SLC25A21: variants seen among roughly 807,000 people sequenced by gnomAD.
SLC25A21 encodes the protein mitochondrial 2-oxodicarboxylate carrier.
Under a neutral mutation model 43.8 loss-of-function variants are expected in SLC25A21, and 47 were observed. The observed-to-expected ratio is 1.07, with a 90% CI of 0.85 to 1.37. The LOEUF is 1.37. SLC25A21 is among the 40% of genes most tolerant of loss of function. The pLI, the probability that SLC25A21 is intolerant of heterozygous loss-of-function variation, is 0.00. For synonymous variants in SLC25A21, 131 were observed against 121.3 expected, an observed-to-expected ratio of 1.08 and a Z score of -0.52; for missense variants, 352 against 350.2, an observed-to-expected ratio of 1.00 and a Z score of -0.04.
intron 1 of SLC25A21, among the ~76,000 whole-genome samples, chr14:37,005,096 A>C (rs1203006368): frequency 6.6e-6 from 1 of 152,006 alleles, no homozygotes; most frequent in African/African-American, 2.4e-5. Context: ...GAATCCCCTA[A>C]GGATACTGAT....
At chr14:37,108,085 G>A (rs996081993) in intron 1 of SLC25A21, among the ~76,000 whole-genome samples, 15 of 152,154 alleles carry the variant, frequency 9.9e-5, no homozygotes, top group African/African-American at 3.6e-4. Flanking sequence ...TCCCACCTGT[G>A]AAATAGAAAT....
chr14:37,127,591 A>C (rs1379947277), intron 1 of SLC25A21, among the ~76,000 whole-genome samples: 1 of 152,172 alleles, frequency 6.6e-6, no homozygotes, highest in Non-Finnish European at 1.5e-5. Context: ...AAGTTGAAAT[A>C]GGTTTCCAAT....
intron 1 of SLC25A21, among the ~76,000 whole-genome samples, chr14:36,979,003 A>C (rs189516304): frequency 1.4e-3 from 211 of 152,236 alleles, no homozygotes; most frequent in Non-Finnish European, 2.2e-3. Flanking sequence ...TGGGAGGATC[A>C]CCTGGGCCCA....
At chr14:37,061,101 T>C (rs1937563089) in intron 1 of SLC25A21, among the ~76,000 whole-genome samples, 2 of 152,160 alleles carry the variant, frequency 1.3e-5, no homozygotes, top group Admixed American at 6.5e-5. Flanking sequence ...ACAGTCCAGC[T>C]GGGATTCCAG....
intron 2 of SLC25A21, among the ~76,000 whole-genome samples, chr14:36,834,911 T>C (rs567607952): frequency 7.9e-5 from 12 of 152,312 alleles, no homozygotes; most frequent in African/African-American, 2.9e-4. Flanking sequence ...GTAACCCTAT[T>C]AATGCCTAAA....
intron 3 of SLC25A21, among the ~76,000 whole-genome samples, chr14:36,797,606 G>A (rs1282693000): frequency 6.6e-6 from 1 of 152,150 alleles, no homozygotes; most frequent in Non-Finnish European, 1.5e-5. Flanking sequence ...CTATAGCAAT[G>A]AATCTCTGAA....
chr14:37,125,966 T>A (rs922049325), intron 1 of SLC25A21, among the ~76,000 whole-genome samples: 1 of 152,196 alleles, frequency 6.6e-6, no homozygotes, highest in East Asian at 1.9e-4. Flanking sequence ...GAGTACTGAA[T>A]GATATAATAA....
At chr14:36,757,357 C>T (rs376701064) in intron 3 of SLC25A21, among the ~76,000 whole-genome samples, 5 of 152,274 alleles carry the variant, frequency 3.3e-5, no homozygotes, top group African/African-American at 4.8e-5. Context: ...CAACAGCTCA[C>T]ACACTTGGAT....
At chr14:36,811,867 G>A (rs1175770728) in intron 3 of SLC25A21, among the ~76,000 whole-genome samples, 1 of 151,900 alleles carries the variant, frequency 6.6e-6, no homozygotes, top group Non-Finnish European at 1.5e-5. Context: ...ATAATCTTGG[G>A]GTTAGAGAAT....
chr14:37,131,622 G>A (rs79349847), intron 1 of SLC25A21, among the ~76,000 whole-genome samples: 2,684 of 152,236 alleles, frequency 0.018, 86 homozygotes, highest in African/African-American at 0.061. Context: ...AAGGAAGAAG[G>A]ACTAAACACC....
chr14:36,960,038 A>C (rs1330188538), intron 1 of SLC25A21, among the ~76,000 whole-genome samples: 2 of 152,182 alleles, frequency 1.3e-5, no homozygotes, highest in Admixed American at 6.5e-5. Context: ...CCATAAAATG[A>C]GATGAGGTGG....
intron 7 of SLC25A21, among the ~76,000 whole-genome samples, chr14:36,706,644 A>G (rs962211929): frequency 6.6e-6 from 1 of 152,046 alleles, no homozygotes; most frequent in Admixed American, 6.6e-5. Flanking sequence ...TGGTGCCACA[A>G]TTGTTTCAGT....
Position 37,040,442 on chromosome 14 carries a change from A to AG in SLC25A21, c.70+131838_70+131839insC, listed in dbSNP as rs1566835754. Among the ~76,000 whole-genome samples, 12 of 149,356 alleles carry AG rather than the reference A, an allele frequency of 8.0e-5. 4 individuals carry two copies. The East Asian group carries it at 1.6e-3, about 20-fold the overall frequency. ...AAGAAAGAAAGAAAGAAAGAAAGAAAAGAAAAATTAGTTACAGGGTGAGGT... is the reference window on the plus strand; with the variant it reads ...AAGAAAGAAAGAAAGAAAGAAAGAAAGAGAAAAATTAGTTACAGGGTGAGGT... On this transcript the variant is annotated intron_variant, in intron 1 of 9. Coordinates refer to ENST00000331299, the MANE Select transcript of SLC25A21 (RefSeq NM_030631.4).
At chr14:36,952,894 C>G (rs1355272291) in intron 1 of SLC25A21, among the ~76,000 whole-genome samples, 1 of 152,168 alleles carries the variant, frequency 6.6e-6, no homozygotes, top group Non-Finnish European at 1.5e-5. Flanking sequence ...AAGAAGACTT[C>G]TCTCAAATGA....
intron 1 of SLC25A21, among the ~76,000 whole-genome samples, chr14:36,892,485 T>A (rs1326365877): frequency 6.6e-6 from 1 of 152,056 alleles, no homozygotes; most frequent in African/African-American, 2.4e-5. Flanking sequence ...ACATGGATGG[T>A]CTTAGAAGAC....
chr14:36,707,970 T>C (rs1360150589), intron 7 of SLC25A21, among the ~76,000 whole-genome samples: 2 of 151,516 alleles, frequency 1.3e-5, no homozygotes, highest in Non-Finnish European at 2.9e-5. Flanking sequence ...TACAGAAAAA[T>C]AAAAAAATTA....
At chr14:36,853,861 A>G (rs1889818509) in intron 2 of SLC25A21, among the ~76,000 whole-genome samples, 1 of 152,142 alleles carries the variant, frequency 6.6e-6, no homozygotes, top group African/African-American at 2.4e-5. Flanking sequence ...CTTTTGTTCC[A>G]CTTGGATTAG....
chr14:37,124,529 C>T (rs1482859109), intron 1 of SLC25A21, among the ~76,000 whole-genome samples: 1 of 152,116 alleles, frequency 6.6e-6, no homozygotes, highest in Non-Finnish European at 1.5e-5. Context: ...AAAATCTATT[C>T]CTAAGCATGT....
At chr14:36,725,781 G>C in intron 5 of SLC25A21, 104 bp from the exon 6 acceptor site, 2 of 594,056 alleles carry the variant, frequency 3.4e-6, no homozygotes, top group Non-Finnish European at 5.2e-6. Flanking sequence ...AAAGAGAATG[G>C]AGAAACCTAC....
Sources: allele counts gnomAD v4.1 joint callset (sites outside exome capture counted in the v4.1 genomes callset), GRCh38; gene constraint gnomAD v4.1.1; transcripts MANE v1.5; gene names NCBI Gene and HGNC (gene_info 2026-07-23, HGNC 2026-07-21).